CHCHD4: variants seen among roughly 807,000 people sequenced by gnomAD.
The protein encoded by CHCHD4 is coiled-coil-helix-coiled-coil-helix domain containing 4, also known as mitochondrial intermembrane space import and assembly protein 40.
In CHCHD4, 7 loss-of-function variants were observed where a neutral mutation model predicts 12.4. That is an observed-to-expected ratio of 0.57 (90% CI 0.32 to 1.06). The LOEUF is 1.06. Among genes scored for constraint, CHCHD4 ranks in the 50% least tolerant of loss-of-function variants. The pLI is 0.04. For synonymous variants in CHCHD4, 56 were observed against 58.0 expected (o/e 0.97, Z 0.16); for missense variants, 143 against 175.1 (o/e 0.82, Z 1.03).
Position 14,116,444 on chromosome 3 carries a change from C to A in CHCHD4, c.103G>T (p.Asp35Tyr). ...SAELVADDPN[D>Y]PYEEHGLILP... ...CACTCACCATGCTCCTCGTATGGATCGTTGGGGTCATCAGCCACCAATTCT... is the reference window on the plus strand; with the variant it reads ...CACTCACCATGCTCCTCGTATGGATAGTTGGGGTCATCAGCCACCAATTCT... The change falls in exon 2 of 3, where the codon GAT becomes TAT. Residue 35 changes from aspartate to tyrosine, a missense_variant. By Grantham distance (160) the Asp-to-Tyr change is radical. Coordinates refer to ENST00000396914, the MANE Select transcript of CHCHD4 (RefSeq NM_001098502.2). 2 of 1,611,858 alleles carry A rather than the reference C, an allele frequency of 1.2e-6. No individual in the cohort carries two copies. The highest frequency in any genetic ancestry group is 1.7e-6 in the Non-Finnish European group (2 of 1,177,922).
At chr3:14,115,613 A>G (rs1460126989) in intron 2 of CHCHD4, among the ~76,000 whole-genome samples, 1 of 152,206 alleles carries the variant, frequency 6.6e-6, no homozygotes, top group Admixed American at 6.5e-5. Context: ...CAGGGCAACA[A>G]GTGAAGGGTC....
intron 1 of CHCHD4, among the ~76,000 whole-genome samples, chr3:14,121,519 G>A (rs1318997808): frequency 6.6e-6 from 1 of 152,200 alleles, no homozygotes; most frequent in Non-Finnish European, 1.5e-5. Flanking sequence ...ATGCCCCTGT[G>A]TCCTGCAGAG....
chr3:14,112,224 C>G lies in CHCHD4; in HGVS notation c.*663G>C, dbSNP rs2124973915. Reference sequence around the variant, plus strand: ...AGCCAGTGTGAACATGGGCCCCAAACCAGGGCTTTCGGAATAACAAGGAAC... The same window carrying G: ...AGCCAGTGTGAACATGGGCCCCAAAGCAGGGCTTTCGGAATAACAAGGAAC... On this transcript the variant is annotated 3_prime_UTR_variant, in exon 3 of 3. Coordinates refer to ENST00000396914, the MANE Select transcript of CHCHD4 (RefSeq NM_001098502.2). 1 of 152,292 alleles carries G rather than the reference C, an allele frequency of 6.6e-6. No individual in the cohort carries two copies. Among genetic ancestry groups the G allele is most frequent in the South Asian group, 2.1e-4 (1 of 4,824 alleles). The allele number at this position is 152,292 out of a possible 1,614,324, so 9.4% of individuals were successfully genotyped here.
chr3:14,121,372 A>G (rs1694932277), intron 1 of CHCHD4, among the ~76,000 whole-genome samples: 1 of 152,228 alleles, frequency 6.6e-6, no homozygotes, highest in African/African-American at 2.4e-5. Context: ...GTCCCAGCAG[A>G]AAGCAGGAAG....
rs1694877374 is a variant in CHCHD4 at position 14,116,473 on chromosome 3, C to A, written c.74G>T (p.Ser25Ile). The change falls in exon 2 of 3, where the codon AGT becomes ATT. Residue 25 changes from serine (S) to isoleucine (I), a missense_variant. Physicochemically the swap from Ser to Ile is moderately radical, Grantham distance 142 (BLOSUM62 -2). Transcript: ENST00000396914. ...GGGGTCATCAGCCACCAATTCTGCA[C>A]TGCTTGGAGTTTCATGATCTTCTTT... ...VTKEDHETPS[S>I]AELVADDPND... The A allele has an allele frequency of 5.0e-6, 8 of 1,613,978 alleles. No individual in the cohort carries two copies. In the East Asian group the frequency reaches 1.8e-4, roughly 36 times the overall value.
intron 1 of CHCHD4, among the ~76,000 whole-genome samples, chr3:14,120,310 C>A (rs545096716): frequency 6.6e-6 from 1 of 152,286 alleles, no homozygotes; most frequent in African/African-American, 2.4e-5. Flanking sequence ...ATGGCTCGAT[C>A]TTCAAATACA....
At chr3:14,122,234 A>G in intron 1 of CHCHD4, 1 of 1,173,720 alleles carries the variant, frequency 8.5e-7, no homozygotes. Context: ...CTAAACGATC[A>G]TAGCATGCTG....
chr3:14,112,171 C>G lies in CHCHD4; in HGVS notation c.*716G>C, dbSNP rs1473039235. On this transcript the variant is annotated 3_prime_UTR_variant, in exon 3 of 3. Transcript: ENST00000396914. The stretch of plus-strand genomic sequence containing the variant: ...TGGTAATAATTAGGTCCCCACCTCT[C>G]AAGAACATTGCACCTGACTAGACTG... 6.6e-6 allele frequency: 1 copy of G among 152,222 alleles called. No individual in the cohort carries two copies. The highest frequency in any genetic ancestry group is 1.5e-5 in the Non-Finnish European group (1 of 68,044). 9.4% of individuals were successfully genotyped at this position (152,222 alleles called of 1,614,324 possible).
intron 1 of CHCHD4, among the ~76,000 whole-genome samples, chr3:14,123,538 CT>C (rs1294530368): frequency 2.0e-5 from 3 of 152,222 alleles, no homozygotes; most frequent in Non-Finnish European, 4.4e-5. Context: ...AGTCTCCTAA[CT>C]GGATGTGTAA....
intron 2 of CHCHD4, among the ~76,000 whole-genome samples, chr3:14,114,476 G>A (rs922064423): frequency 3.3e-5 from 5 of 152,114 alleles, no homozygotes; most frequent in Non-Finnish European, 7.4e-5. Flanking sequence ...AGGATTCCCA[G>A]AGTCCATGCC....
In CHCHD4 at chr3:14,122,417, G is replaced by A. The variant is rs1208999321; in HGVS notation, c.22+2238C>T. 2.0e-5 allele frequency among the ~76,000 whole-genome samples: 3 copies of A among 152,236 alleles called. No individual in the cohort carries two copies. In the East Asian group the frequency reaches 5.8e-4, roughly 29 times the overall value. ...TGCTCTATAATTGTTGACTGAACAG[G>A]AGTTGGCAGGCTCTGCATTAGAAAG... On this transcript the variant is annotated intron_variant, in intron 1 of 2. Coordinates refer to ENST00000396914, the MANE Select transcript of CHCHD4 (RefSeq NM_001098502.2).
chr3:14,118,580 C>T (rs1382432336), intron 1 of CHCHD4, among the ~76,000 whole-genome samples: 1 of 152,208 alleles, frequency 6.6e-6, no homozygotes, highest in Non-Finnish European at 1.5e-5. Context: ...CAACAAAAAA[C>T]CCTCAGCACA....
At chr3:14,123,866 G>C (rs1418118691) in intron 1 of CHCHD4, among the ~76,000 whole-genome samples, 1 of 152,206 alleles carries the variant, frequency 6.6e-6, no homozygotes, top group South Asian at 2.1e-4. Flanking sequence ...CTCTTGGGTA[G>C]AGTAACATCA....
chr3:14,123,717 T>C (rs1694966160), intron 1 of CHCHD4, among the ~76,000 whole-genome samples: 2 of 152,292 alleles, frequency 1.3e-5, no homozygotes, highest in South Asian at 4.1e-4. Context: ...GTATTTGCCG[T>C]ATCAATGAAG....
In CHCHD4 at chr3:14,112,843, G is replaced by C. The variant is rs1299877597; in HGVS notation, c.*44C>G. 1 of 1,549,330 alleles carries C rather than the reference G, an allele frequency of 6.5e-7. No homozygotes were observed. Among genetic ancestry groups the C allele is most frequent in the Non-Finnish European group, 8.7e-7 (1 of 1,146,656 alleles). Reference sequence around the variant, plus strand: ...GGTGATGACAAGGCCTTTTGCAAAAGGTCCACTCCAAAAGGACTGGTGCCC... The same window carrying C: ...GGTGATGACAAGGCCTTTTGCAAAACGTCCACTCCAAAAGGACTGGTGCCC... On this transcript the variant is annotated 3_prime_UTR_variant, in exon 3 of 3. Transcript: ENST00000396914.
At chr3:14,116,318 T>TA in intron 2 of CHCHD4, 108 bp downstream of exon 2, 1 of 799,926 alleles carries the variant, frequency 1.3e-6, no homozygotes, top group Admixed American at 1.7e-5. Flanking sequence ...TGAGAATAGA[T>TA]ACCTGAAAAC....
chr3:14,112,960 T>A lies in CHCHD4; in HGVS notation c.356A>T (p.Lys119Met). 1 of 1,613,022 alleles carries A rather than the reference T, an allele frequency of 6.2e-7. No homozygotes were observed. The highest frequency in any genetic ancestry group is 8.5e-7 in the Non-Finnish European group (1 of 1,179,504). Reference sequence around the variant, plus strand: ...TGTTTCTTCTGCTTGTTCTGCTGGCTTCTTCTCTCTTTCCTCTTCCTCATC... The same window carrying A: ...TGTTTCTTCTGCTTGTTCTGCTGGCATCTTCTCTCTTTCCTCTTCCTCATC... ...DEDEEEEREK[K>M]PAEQAEETAP... Residue 119 changes from lysine (K) to methionine (M), a missense_variant, in exon 3 of 3, where the codon AAG becomes ATG. Physicochemically the swap from Lys to Met is moderately conservative, Grantham distance 95. Coordinates refer to ENST00000396914, the MANE Select transcript of CHCHD4 (RefSeq NM_001098502.2).
intron 1 of CHCHD4, among the ~76,000 whole-genome samples, chr3:14,122,854 A>G (rs1368395244): frequency 3.3e-5 from 5 of 152,234 alleles, no homozygotes; most frequent in Admixed American, 3.3e-4. Context: ...GGAGTCAGCC[A>G]CGGAAGAGCT....
chr3:14,113,969 C>T (rs752138520), intron 2 of CHCHD4, among the ~76,000 whole-genome samples: 1 of 152,176 alleles, frequency 6.6e-6, no homozygotes, highest in Non-Finnish European at 1.5e-5. Context: ...AAAATGCTCT[C>T]AAAACGATGG....
Sources: gnomAD v4.1 joint callset for allele counts (sites outside exome capture counted in the v4.1 genomes callset) on GRCh38, gnomAD v4.1.1 for gene constraint, MANE v1.5 for transcripts, NCBI Gene and HGNC (gene_info 2026-07-23, HGNC 2026-07-21) for gene names.